NYAP2: variants seen among roughly 807,000 people sequenced by gnomAD.
The protein encoded by NYAP2 is neuronal tyrosine-phosphorylated phosphoinositide-3-kinase adaptor 2.
In NYAP2, 23 loss-of-function variants were observed where a neutral mutation model predicts 50.4. The ratio of observed to expected loss-of-function variants is 0.46; its 90% CI spans 0.33 to 0.65. The LOEUF (loss-of-function observed/expected upper bound fraction) is 0.65. Among genes scored for constraint, NYAP2 ranks in the 30% least tolerant of loss-of-function variants. The pLI, the probability that NYAP2 is intolerant of heterozygous loss-of-function variation, is 0.02. For missense variants in NYAP2, 885 were observed against 861.0 expected, an observed-to-expected ratio of 1.03 and a Z score of -0.35; for synonymous variants, 394 against 365.2, an observed-to-expected ratio of 1.08 and a Z score of -0.90.
At chr2:225,504,959 G>A (rs1690677408) in intron 3 of NYAP2, among the ~76,000 whole-genome samples, 1 of 151,352 alleles carries the variant, frequency 6.6e-6, no homozygotes, top group East Asian at 2.0e-4. Context: ...AGTGAGCCAA[G>A]ATTGCACCAC....
At chr2:225,488,591 C>T (rs1171212194) in intron 3 of NYAP2, among the ~76,000 whole-genome samples, 1 of 152,172 alleles carries the variant, frequency 6.6e-6, no homozygotes, top group Non-Finnish European at 1.5e-5. Context: ...CCAGGCTGGT[C>T]TCGAGCTCTC....
intron 3 of NYAP2, among the ~76,000 whole-genome samples, chr2:225,502,053 G>A (rs1690617411): frequency 6.6e-6 from 1 of 152,208 alleles, no homozygotes. Context: ...AAAAGACCAT[G>A]AGTATAACTT....
At chr2:225,451,206 C>T (rs1689644622) in intron 3 of NYAP2, among the ~76,000 whole-genome samples, 4 of 152,170 alleles carry the variant, frequency 2.6e-5, no homozygotes, top group South Asian at 2.1e-4. Flanking sequence ...GCAGAAGATC[C>T]GTCTACAGCT....
At chr2:225,514,241 C>G (rs1039421028) in intron 4 of NYAP2, among the ~76,000 whole-genome samples, 1 of 152,188 alleles carries the variant, frequency 6.6e-6, no homozygotes, top group African/African-American at 2.4e-5. Flanking sequence ...CCTTGCTGGT[C>G]TATGAATATA....
intron 3 of NYAP2, among the ~76,000 whole-genome samples, chr2:225,476,608 T>C (rs1240194121): frequency 6.6e-6 from 1 of 152,130 alleles, no homozygotes; most frequent in African/African-American, 2.4e-5. Flanking sequence ...TCTCTATCAC[T>C]TTCCTAAATC....
At chr2:225,501,455 TGA>T (rs1366467233) in intron 3 of NYAP2, among the ~76,000 whole-genome samples, 1 of 152,192 alleles carries the variant, frequency 6.6e-6, no homozygotes, top group East Asian at 1.9e-4. Context: ...TAAAACAATA[TGA>T]GAGAGAGATA....
In NYAP2 at chr2:225,650,555, C is replaced by T. The variant is rs150574874; in HGVS notation, c.1829-877C>T. Reference sequence around the variant, plus strand: ...AGTTGAGGATATTGATAGCTAACTCCGTAGCTCCAAAGAGAGTTCTTAGGA... The same window carrying T: ...AGTTGAGGATATTGATAGCTAACTCTGTAGCTCCAAAGAGAGTTCTTAGGA... On this transcript the variant is annotated intron_variant, in intron 6 of 6. Transcript: ENST00000636099. Among the ~76,000 whole-genome samples, 433 of 152,282 alleles carry T rather than the reference C, an allele frequency of 2.8e-3. 3 individuals are homozygous for T. The highest frequency in any genetic ancestry group is 9.6e-3 in the African/African-American group (400 of 41,560).
chr2:225,520,747 G>A (rs958531904), intron 4 of NYAP2, among the ~76,000 whole-genome samples: 6 of 152,130 alleles, frequency 3.9e-5, no homozygotes, highest in Non-Finnish European at 7.4e-5. Context: ...GATTGACTTG[G>A]CGATGCCGGC....
chr2:225,578,816 G>T (rs1692213741), intron 4 of NYAP2, among the ~76,000 whole-genome samples: 1 of 152,114 alleles, frequency 6.6e-6, no homozygotes, highest in Admixed American at 6.5e-5. Context: ...TTTACATTAG[G>T]ACTTAATAAA....
At chr2:225,414,751 G>A (rs1443617238) in intron 3 of NYAP2, among the ~76,000 whole-genome samples, 3 of 152,074 alleles carry the variant, frequency 2.0e-5, no homozygotes, top group South Asian at 2.1e-4. Flanking sequence ...GAGAAGGACG[G>A]GCAATCCAAA....
chr2:225,426,475 C>T (rs922095927), intron 3 of NYAP2, among the ~76,000 whole-genome samples: 1 of 152,184 alleles, frequency 6.6e-6, no homozygotes, highest in Non-Finnish European at 1.5e-5. Flanking sequence ...ATCCACTGCA[C>T]TTGGAACAGG....
chr2:225,575,667 T>C (rs1196533846), intron 4 of NYAP2, among the ~76,000 whole-genome samples: 1 of 152,222 alleles, frequency 6.6e-6, no homozygotes, highest in Non-Finnish European at 1.5e-5. Flanking sequence ...GTGGCTTGTT[T>C]TCTTTGGGAG....
intron 6 of NYAP2, among the ~76,000 whole-genome samples, chr2:225,638,451 G>T (rs77015031): frequency 6.6e-6 from 1 of 152,004 alleles, no homozygotes; most frequent in African/African-American, 2.4e-5. Flanking sequence ...GGCTGCTGAT[G>T]GTGGGTTAAA....
chr2:225,475,306 T>C (rs1390682709), intron 3 of NYAP2, among the ~76,000 whole-genome samples: 1 of 152,172 alleles, frequency 6.6e-6, no homozygotes, highest in Non-Finnish European at 1.5e-5. Context: ...TACAATACAA[T>C]GCACTGATGT....
chr2:225,502,745 G>T (rs993858826), intron 3 of NYAP2, among the ~76,000 whole-genome samples: 1 of 152,140 alleles, frequency 6.6e-6, no homozygotes, highest in African/African-American at 2.4e-5. Context: ...GCCCTTTGGT[G>T]GTTGTTAGGG....
At chr2:225,462,920 G>C (rs987036090) in intron 3 of NYAP2, among the ~76,000 whole-genome samples, 2 of 152,328 alleles carry the variant, frequency 1.3e-5, no homozygotes, top group Admixed American at 1.3e-4. Flanking sequence ...AAATGGTTGT[G>C]ATTATCTGGT....
chr2:225,572,488 A>G (rs770908615), intron 4 of NYAP2, among the ~76,000 whole-genome samples: 3 of 152,224 alleles, frequency 2.0e-5, no homozygotes, highest in African/African-American at 4.8e-5. Flanking sequence ...TCAGACAATT[A>G]TAAAACCATC....
intron 4 of NYAP2, among the ~76,000 whole-genome samples, chr2:225,559,349 CA>C (rs11300399): frequency 0.88 from 129,029 of 145,878 alleles, 57,070 homozygotes; most frequent in Middle Eastern, 0.96. Flanking sequence ...GTACAAATGC[CA>C]AAAAAAAAAA....
At chr2:225,555,810 G>A (rs1164411669) in intron 4 of NYAP2, among the ~76,000 whole-genome samples, 8 of 152,138 alleles carry the variant, frequency 5.3e-5, no homozygotes, top group African/African-American at 1.7e-4. Flanking sequence ...GAGAGCTGGT[G>A]AGGAACACAG....
Sources: allele counts gnomAD v4.1 joint callset (sites outside exome capture counted in the v4.1 genomes callset), GRCh38; gene constraint gnomAD v4.1.1; transcripts MANE v1.5; gene names NCBI Gene and HGNC (gene_info 2026-07-23, HGNC 2026-07-21).